ANKEF1: variants seen among roughly 807,000 people sequenced by gnomAD.
ANKEF1 encodes ankyrin repeat and EF-hand domain containing 1, also known as ankyrin repeat and EF-hand domain-containing protein 1.
ANKEF1 carries 43 observed loss-of-function variants against 65.1 expected under a neutral mutation model. The ratio of observed to expected loss-of-function variants is 0.66; its 90% confidence interval spans 0.52 to 0.85. The LOEUF (loss-of-function observed/expected upper bound fraction) is 0.85, where lower values mean the gene tolerates loss of function less well. ANKEF1 is among the 40% of genes least tolerant of loss of function. ANKEF1 has a pLI of 0.00. For synonymous variants in ANKEF1, 316 were observed against 341.5 expected (o/e 0.93, Z 0.82); for missense variants, 934 against 952.9 (o/e 0.98, Z 0.26).
chr20:10,042,495 G>A (rs1984248488), intron 3 of ANKEF1, among the ~76,000 whole-genome samples: 1 of 152,120 alleles, frequency 6.6e-6, no homozygotes, highest in South Asian at 2.1e-4. Context: ...TAACCCTGAT[G>A]TGTAGTATGC....
rs1014919962 is a variant in ANKEF1, at chr20:10,057,415, CAT to C, written c.*1757_*1758del. The C allele has an allele frequency of 6.6e-6, 1 of 152,128 alleles. No individual in the cohort carries two copies. The highest frequency in any genetic ancestry group is 2.4e-5 in the African/African-American group (1 of 41,420). 9.4% of individuals were successfully genotyped at this position (152,128 alleles called of 1,614,324 possible). On this transcript the variant is annotated 3_prime_UTR_variant, in exon 11 of 11. Coordinates refer to ENST00000378392, the MANE Select transcript of ANKEF1 (RefSeq NM_022096.6). ...GTTCTCTCTTTTCTTTTTGTTTTGACATAATTTCATATTTATGGAAAAGTTGC... is the reference window on the plus strand; with the variant it reads ...GTTCTCTCTTTTCTTTTTGTTTTGACAATTTCATATTTATGGAAAAGTTGC...
chr20:10,044,592 C>A, intron 5 of ANKEF1, 49 bp downstream of exon 5: 2 of 1,599,294 alleles, frequency 1.3e-6, no homozygotes, highest in Non-Finnish European at 1.7e-6. Context: ...ACTTTTCTGT[C>A]CTTTTTCTCA....
intron 3 of ANKEF1, among the ~76,000 whole-genome samples, chr20:10,042,021 G>T (rs993286325): frequency 9.9e-5 from 15 of 152,086 alleles, no homozygotes; most frequent in African/African-American, 3.4e-4. Context: ...AAATTTTTGA[G>T]GGCAGCTGGA....
At chr20:10,049,325 AGT>A in intron 6 of ANKEF1, 63 bp from the exon 7 acceptor site, 1 of 1,398,846 alleles carries the variant, frequency 7.1e-7, no homozygotes, top group African/African-American at 1.4e-5. Flanking sequence ...CAGTTGGATG[AGT>A]GTCACTTATA....
intron 8 of ANKEF1, 43 bp downstream of exon 8, chr20:10,051,932 A>G (rs371232155): frequency 6.2e-6 from 9 of 1,441,206 alleles, no homozygotes; most frequent in Middle Eastern, 2.1e-4. Context: ...GAAAAGGAGA[A>G]CTTATGTTAG....
At position 10,038,377 on chromosome 20, in the gene ANKEF1, A is replaced by T. The variant is rs1270536389; in HGVS notation, c.76A>T (p.Lys26Ter). Residue 26 changes from lysine (K) to a stop codon, truncating the protein, a stop_gained, in exon 3 of 11, where the codon AAG becomes TAG. Transcript: ENST00000378392. LOFTEE classifies it high-confidence loss of function. ...TCAATGTGTGCGGAACAAAGACAAG[A>T]AGCAGATAGAGAAGCTGACCAAGCT... Reference protein sequence around the residue: ...VLQCVRNKDKKQIEKLTKLGY... With the variant: ...VLQCVRNKDK The T allele has an allele frequency of 1.2e-6, 2 of 1,613,530 alleles. No homozygotes were observed. Among genetic ancestry groups the T allele is most frequent in the Non-Finnish European group, 1.7e-6 (2 of 1,179,610 alleles).
At chr20:10,048,262 T>C (rs1175613078) in intron 6 of ANKEF1, among the ~76,000 whole-genome samples, 1 of 145,300 alleles carries the variant, frequency 6.9e-6, no homozygotes, top group Admixed American at 7.1e-5. Context: ...AATAGATTTA[T>C]TTTTCTTTTT....
At chr20:10,047,713 CA>C (rs1256779513) in intron 6 of ANKEF1, among the ~76,000 whole-genome samples, 1 of 152,158 alleles carries the variant, frequency 6.6e-6, no homozygotes, top group Non-Finnish European at 1.5e-5. Flanking sequence ...CAGCACCAGC[CA>C]GCTGGAAGTT....
chr20:10,045,772 C>A, intron 6 of ANKEF1, 75 bp downstream of exon 6: 1 of 1,522,346 alleles, frequency 6.6e-7, no homozygotes, highest in Non-Finnish European at 9.0e-7. Flanking sequence ...AGAATTTGGG[C>A]CTATCACTTG....
intron 9 of ANKEF1, among the ~76,000 whole-genome samples, chr20:10,053,843 A>G (rs191657450): frequency 1.4e-4 from 21 of 152,196 alleles, no homozygotes; most frequent in Admixed American, 5.9e-4. Flanking sequence ...GGTAATCCGG[A>G]GTGATTTGGA....
At chr20:10,050,341 A>C in intron 7 of ANKEF1, 129 bp downstream of exon 7, 1 of 674,682 alleles carries the variant, frequency 1.5e-6, no homozygotes, top group South Asian at 2.3e-5. Flanking sequence ...AGGCTTTAAT[A>C]TATAAAAGCC....
At chr20:10,040,125 A>G (rs972460076) in intron 3 of ANKEF1, among the ~76,000 whole-genome samples, 1 of 152,246 alleles carries the variant, frequency 6.6e-6, no homozygotes, top group African/African-American at 2.4e-5. Context: ...AAAGGAAACA[A>G]ATGTAAAATC....
rs1236134189 is a variant in ANKEF1 at position 10,056,669 on chromosome 20, TTTC to T, written c.*1016_*1018del. 1.3e-5 allele frequency: 2 copies of T among 152,082 alleles called. No individual in the cohort carries two copies. The highest frequency in any genetic ancestry group is 2.9e-5 in the Non-Finnish European group (2 of 68,010). 9.4% of individuals were successfully genotyped at this position (152,082 alleles called of 1,614,324 possible). A position where few individuals can be genotyped will look rare whatever the true frequency, so the allele number is the denominator to read the frequency against. ...CTGTCCCTGAAGTCCACAAGTGGAA[TTTC>T]TTCTTCATCATGGAAACCTCAGTTT... On this transcript the variant is annotated 3_prime_UTR_variant, in exon 11 of 11. Coordinates refer to ENST00000378392, the MANE Select transcript of ANKEF1 (RefSeq NM_022096.6).
chr20:10,053,437 C>T (rs1185017900), intron 9 of ANKEF1, among the ~76,000 whole-genome samples, 162 bp downstream of exon 9: 1 of 152,048 alleles, frequency 6.6e-6, no homozygotes, highest in Non-Finnish European at 1.5e-5. Flanking sequence ...AAAGAAATAT[C>T]TAATAAAATT....
chr20:10,040,661 C>T (rs1984130703), intron 3 of ANKEF1: 1 of 152,172 alleles, frequency 6.6e-6, no homozygotes, highest in Non-Finnish European at 1.5e-5. Context: ...TATGCCAGTT[C>T]TATGATAAGG....
At chr20:10,041,866 A>G (rs537310370) in intron 3 of ANKEF1, among the ~76,000 whole-genome samples, 18 of 152,284 alleles carry the variant, frequency 1.2e-4, no homozygotes, top group Admixed American at 8.5e-4. Context: ...TGTATCCCTG[A>G]TTACTTATAT....
chr20:10,041,194 G>C (rs973211121), intron 3 of ANKEF1, among the ~76,000 whole-genome samples: 2 of 151,498 alleles, frequency 1.3e-5, no homozygotes, highest in Non-Finnish European at 2.9e-5. Context: ...TGTCATATAT[G>C]GTCCATAGAT....
intron 8 of ANKEF1, 98 bp from the exon 9 acceptor site, chr20:10,053,014 T>G: frequency 8.0e-7 from 1 of 1,249,532 alleles, no homozygotes; most frequent in Non-Finnish European, 1.1e-6. Flanking sequence ...TCACCCTTAT[T>G]AGGGCAGGCT....
chr20:10,053,197 A>G lies in ANKEF1; in HGVS notation c.1956A>G (p.Lys652=). 6.2e-7 allele frequency: 1 copy of G among 1,613,788 alleles called. No homozygotes were observed. The highest frequency in any genetic ancestry group is 8.5e-7 in the Non-Finnish European group (1 of 1,179,784). Residue 652 remains lysine, a synonymous_variant, in exon 9 of 11, where the codon AAA becomes AAG. Transcript: ENST00000378392. Reference sequence around the variant, plus strand: ...AAGAAAAGCTAGATAACTTGCCGAAACCAGCAGAAAATCAAAAACTAAAAG... The same window carrying G: ...AAGAAAAGCTAGATAACTTGCCGAAGCCAGCAGAAAATCAAAAACTAAAAG... ...LIKEKLDNLP[K]PAENQKLKGK... is the part of the protein sequence containing the mutation.
Sources: allele counts gnomAD v4.1 joint callset (sites outside exome capture counted in the v4.1 genomes callset), GRCh38; gene constraint gnomAD v4.1.1; transcripts MANE v1.5; gene names NCBI Gene and HGNC (gene_info 2026-07-23, HGNC 2026-07-21).